The following AGO1 variants were observed in gnomAD, a reference collection of about 807,000 sequenced individuals.
AGO1 encodes argonaute RISC component 1.
AGO1 carries 11 observed loss-of-function variants against 109.2 expected under a neutral mutation model. The ratio of observed to expected loss-of-function variants is 0.10; its 90% CI spans 0.06 to 0.17. The LOEUF (loss-of-function observed/expected upper bound fraction) is 0.17, where lower values mean the gene tolerates loss of function less well. Ranked by LOEUF, AGO1 falls within the 10% of genes least tolerant of loss-of-function variation. The probability of loss-of-function intolerance (pLI) is 1.00; values close to 1 mark genes in which losing one functional copy is unlikely to be tolerated. For synonymous variants in AGO1, 422 were observed against 418.6 expected, an observed-to-expected ratio of 1.01 and a Z score of -0.10; for missense variants, 574 against 1,140.3, an observed-to-expected ratio of 0.50 and a Z score of 7.15.
rs1437526799 is a variant in AGO1, at chr1:35,926,951, T to G, written c.*7344T>G. Reference sequence around the variant, plus strand: ...AATGGTTTTTTGTTTGGGGTTTTTTTTTTTTTTTTTTTGGACAAAGTATAA... The same window carrying G: ...AATGGTTTTTTGTTTGGGGTTTTTTGTTTTTTTTTTTTGGACAAAGTATAA... On this transcript the variant is annotated 3_prime_UTR_variant, in exon 19 of 19. Coordinates refer to ENST00000373204, the MANE Select transcript of AGO1 (RefSeq NM_012199.5). The G allele has an allele frequency of 1.3e-5, 2 of 151,102 alleles. No homozygotes were observed. The highest frequency in any genetic ancestry group is 2.4e-5 in the African/African-American group (1 of 41,038). 9.4% of individuals were successfully genotyped at this position (151,102 alleles called of 1,614,324 possible). A position where few individuals can be genotyped will look rare whatever the true frequency, so the allele number is the denominator to read the frequency against.
rs572628298 is a variant in AGO1, at chr1:35,923,375, G to T, written c.*3768G>T. On this transcript the variant is annotated 3_prime_UTR_variant, in exon 19 of 19. Coordinates refer to ENST00000373204, the MANE Select transcript of AGO1 (RefSeq NM_012199.5). ...AGCTGGCCCATAGGATATCTGTAAG[G>T]CTGGTGGGACAGTTTTGGACCTGGA... 1 of 152,328 alleles carries T rather than the reference G, an allele frequency of 6.6e-6. No homozygotes were observed. The highest frequency in any genetic ancestry group is 1.5e-5 in the Non-Finnish European group (1 of 68,026). 9.4% of individuals were successfully genotyped at this position (152,328 alleles called of 1,614,324 possible).
At chr1:35,879,103 T>C (rs960338570), upstream of AGO1, among the ~76,000 whole-genome samples, 2 of 152,080 alleles carry the variant, frequency 1.3e-5, no homozygotes, top group African/African-American at 4.8e-5. Flanking sequence ...AGCCAATAGG[T>C]TTGGTGGAAC....
In AGO1 at chr1:35,919,566, CA is replaced by C; in HGVS notation, c.2534del (p.Gln845ArgfsTer59). The C allele has an allele frequency of 6.2e-7, 1 of 1,614,136 alleles. No homozygotes were observed. Among genetic ancestry groups the C allele is most frequent in the Non-Finnish European group, 8.5e-7 (1 of 1,180,008 alleles). ...CCCCCAGGCCCTGGCCAAAGCCGTG[CA>C]GGTTCACCAGGATACTCTGCGCACC... is the stretch of plus-strand genomic sequence containing the variant. ...RDPQALAKAVQVHQDTLRTMY... is the reference protein window; with the variant it reads ...RDPQALAKAVXVHQDTLRTMY... On this transcript the variant is annotated frameshift_variant, in exon 19 of 19. Transcript: ENST00000373204. LOFTEE classifies it high-confidence loss of function. The surrounding 1 kb of genome is among the most constrained non-coding windows in gnomAD (Gnocchi z 6.6).
chr1:35,896,576 A>G (rs1421415724), intron 8 of AGO1, among the ~76,000 whole-genome samples: 1 of 151,410 alleles, frequency 6.6e-6, no homozygotes, highest in Non-Finnish European at 1.5e-5. Flanking sequence ...TGTTGGCCAC[A>G]CTGATCTCCT....
In AGO1 at chr1:35,919,689, A is replaced by AGGAGGAGGGAGGT; in HGVS notation, c.*85_*97dup. On this transcript the variant is annotated 3_prime_UTR_variant, in exon 19 of 19. Coordinates refer to ENST00000373204, the MANE Select transcript of AGO1 (RefSeq NM_012199.5). This position sits in a 1 kb window ranked among gnomAD's most constrained non-coding sequence, Gnocchi z 6.6. ...GTGCCACCCAAATCCAGAGGAAGCA[A>AGGAGGAGGGAGGT]GGAGGAGGGAGGTGGGGTAGGGAGG... 7.6e-7 allele frequency: 1 copy of AGGAGGAGGGAGGT among 1,314,334 alleles called. No individual in the cohort carries two copies. The highest frequency in any genetic ancestry group is 2.4e-5 in the East Asian group (1 of 41,586). 81.4% of individuals were successfully genotyped at this position (1,314,334 alleles called of 1,614,324 possible). A position where few individuals can be genotyped will look rare whatever the true frequency, so the allele number is the denominator to read the frequency against.
rs1645889940 is a variant in AGO1 at position 35,924,452 on chromosome 1, A to G, written c.*4845A>G. On this transcript the variant is annotated 3_prime_UTR_variant, in exon 19 of 19. Coordinates refer to ENST00000373204, the MANE Select transcript of AGO1 (RefSeq NM_012199.5). ...TTATTCTTCATTCAACAAACATGCA[A>G]AGCACTGTGCCAGCAGTATTGTGGG... 1.3e-5 allele frequency: 2 copies of G among 152,276 alleles called. No individual in the cohort carries two copies. Among genetic ancestry groups the G allele is most frequent in the Admixed American group, 1.3e-4 (2 of 15,282 alleles). 9.4% of individuals were successfully genotyped at this position (152,276 alleles called of 1,614,324 possible). A position where few individuals can be genotyped will look rare whatever the true frequency, so the allele number is the denominator to read the frequency against.
chr1:35,895,051 G>C, intron 7 of AGO1, 71 bp from the exon 8 acceptor site: 1 of 1,492,220 alleles, frequency 6.7e-7, no homozygotes, highest in Non-Finnish European at 8.9e-7. Flanking sequence ...AGGCTTCCAT[G>C]GTTGTGGGTC....
At position 35,923,293 on chromosome 1, in the gene AGO1, T is replaced by TAAA. The variant is rs1645866326; in HGVS notation, c.*3686_*3687insAAA. 6.6e-6 allele frequency: 1 copy of TAAA among 152,188 alleles called. No individual in the cohort carries two copies. Among genetic ancestry groups the TAAA allele is most frequent in the Non-Finnish European group, 1.5e-5 (1 of 68,048 alleles). The allele number at this position is 152,188 out of a possible 1,614,324, so 9.4% of individuals were successfully genotyped here. A position where few individuals can be genotyped will look rare whatever the true frequency, so the allele number is the denominator to read the frequency against. On this transcript the variant is annotated 3_prime_UTR_variant, in exon 19 of 19. Transcript: ENST00000373204. ...GCAGTGTTTTTGGATACTTTTTTTT[T>TAAA]CTGTTTGTGAATAAGGCCAGCACTC...
chr1:35,882,612 G>A (rs1645048715), upstream of AGO1, among the ~76,000 whole-genome samples: 1 of 152,220 alleles, frequency 6.6e-6, no homozygotes, highest in South Asian at 2.1e-4. This position sits in a 1 kb window ranked among gnomAD's most constrained non-coding sequence, Gnocchi z 5.1. Context: ...TGCTTCCCAG[G>A]TCCGGCGGAT....
intron 8 of AGO1, among the ~76,000 whole-genome samples, chr1:35,897,762 T>C (rs1645344521): frequency 6.6e-6 from 1 of 152,146 alleles, no homozygotes; most frequent in South Asian, 2.1e-4. Context: ...TATCGAGATA[T>C]AATTCACATA....
intron 12 of AGO1, among the ~76,000 whole-genome samples, chr1:35,912,566 A>T (rs547413939): frequency 6.6e-6 from 1 of 151,578 alleles, no homozygotes; most frequent in Non-Finnish European, 1.5e-5. Flanking sequence ...TTTTTATTTT[A>T]TTTTATTTTT....
At chr1:35,899,510 A>G (rs919147921) in intron 8 of AGO1, among the ~76,000 whole-genome samples, 1 of 152,198 alleles carries the variant, frequency 6.6e-6, no homozygotes, top group African/African-American at 2.4e-5. Flanking sequence ...TTCTAATTTC[A>G]CCACATCCCT....
intron 2 of AGO1, 137 bp from the exon 3 acceptor site, chr1:35,892,420 G>A: frequency 8.7e-7 from 1 of 1,146,948 alleles, no homozygotes; most frequent in Non-Finnish European, 1.3e-6. Flanking sequence ...GAATATTAAA[G>A]TTTGAGAAGC....
intron 8 of AGO1, among the ~76,000 whole-genome samples, chr1:35,900,983 CTTT>C (rs1161684689): frequency 1.2e-4 from 17 of 140,666 alleles, no homozygotes; most frequent in Admixed American, 1.4e-4. Flanking sequence ...TTGAATTGCC[CTTT>C]TTTTTTTTTT....
chr1:35,909,778 A>G (rs1484945517), intron 12 of AGO1, among the ~76,000 whole-genome samples: 1 of 152,084 alleles, frequency 6.6e-6, no homozygotes, highest in East Asian at 1.9e-4. Context: ...CTGATACAAT[A>G]CTCAGTAATT....
At chr1:35,881,568 C>T (rs1160705268), upstream of AGO1, among the ~76,000 whole-genome samples, 8 of 152,114 alleles carry the variant, frequency 5.3e-5, no homozygotes, top group Non-Finnish European at 1.0e-4. Flanking sequence ...GTGATCCACC[C>T]GCCTTGGCCT....
chr1:35,903,365 G>T (rs147407145), intron 11 of AGO1, among the ~76,000 whole-genome samples: 54 of 150,598 alleles, frequency 3.6e-4, no homozygotes, highest in African/African-American at 1.2e-3. Context: ...TCAGTTAGTT[G>T]TTTCATAGAT....
intron 1 of AGO1, among the ~76,000 whole-genome samples, chr1:35,886,475 G>A (rs1236959344): frequency 1.3e-5 from 2 of 152,166 alleles, no homozygotes; most frequent in Admixed American, 6.5e-5. Context: ...TGTGTGGTAT[G>A]TAGTCGGGTT....
chr1:35,897,141 T>C (rs985119199), intron 8 of AGO1, among the ~76,000 whole-genome samples: 4 of 152,072 alleles, frequency 2.6e-5, no homozygotes, highest in Non-Finnish European at 4.4e-5. Flanking sequence ...AGATAGACAA[T>C]AAGTTGATAA....
Sources: allele counts gnomAD v4.1 joint callset (sites outside exome capture counted in the v4.1 genomes callset), GRCh38; gene constraint gnomAD v4.1.1; non-coding constraint Gnocchi (gnomAD v3.1); transcripts MANE v1.5; gene names NCBI Gene and HGNC (gene_info 2026-07-23, HGNC 2026-07-21).